The following PLA2G7 variants were observed in gnomAD, a reference collection of about 807,000 sequenced individuals.
The protein encoded by PLA2G7 is phospholipase A2 group VII.
PLA2G7 carries 63 observed loss-of-function variants against 49.6 expected under a neutral mutation model. The ratio of observed to expected loss-of-function variants is 1.27; its 90% confidence interval spans 1.04 to 1.57. The LOEUF is 1.57. PLA2G7 is among the 40% of genes most tolerant of loss of function. The pLI, the probability that PLA2G7 is intolerant of heterozygous loss-of-function variation, is 0.00. For synonymous variants in PLA2G7, 193 were observed against 169.9 expected (o/e 1.14, Z -1.06); for missense variants, 596 against 521.2 (o/e 1.14, Z -1.40).
intron 1 of PLA2G7, among the ~76,000 whole-genome samples, chr6:46,734,251 T>C (rs766406909): frequency 7.9e-5 from 12 of 151,970 alleles, no homozygotes; most frequent in Middle Eastern, 3.2e-3. Context: ...GAGTGCTTTG[T>C]TTTGTTCTTA....
chr6:46,712,035 C>T (rs149105596), intron 6 of PLA2G7, among the ~76,000 whole-genome samples: 52 of 152,178 alleles, frequency 3.4e-4, no homozygotes, highest in African/African-American at 1.2e-3. Flanking sequence ...AATGAAATGG[C>T]GTATTAAAAA....
chr6:46,717,542 G>T (rs1452778557), intron 2 of PLA2G7, among the ~76,000 whole-genome samples: 1 of 151,892 alleles, frequency 6.6e-6, no homozygotes, highest in African/African-American at 2.4e-5. Context: ...GAAACTAAAT[G>T]ATCATCTTTC....
intron 10 of PLA2G7, among the ~76,000 whole-genome samples, chr6:46,706,501 G>A (rs1582561434): frequency 6.6e-6 from 1 of 152,336 alleles, no homozygotes; most frequent in South Asian, 2.1e-4. Context: ...GGAGCAGGAA[G>A]AGGGGTGGTC....
In PLA2G7 at chr6:46,707,906, T is replaced by C. The variant is rs145577052; in HGVS notation, c.1040+85A>G. ...GTCTAAACAACCAATTCAGCAATTC[T>C]TTAATAGTTACCAAATGATATCGAT... On this transcript the variant is annotated intron_variant, in intron 10 of 11. Coordinates refer to ENST00000274793, the MANE Select transcript of PLA2G7 (RefSeq NM_005084.4). 2.2e-4 allele frequency: 186 copies of C among 838,120 alleles called. 1 individual carries two copies. Among genetic ancestry groups the C allele is most frequent in the African/African-American group, 2.2e-3 (129 of 58,936 alleles). 51.9% of individuals were successfully genotyped at this position (838,120 alleles called of 1,614,324 possible).
chr6:46,711,053 G>A (rs1765004473), intron 7 of PLA2G7, among the ~76,000 whole-genome samples: 1 of 152,098 alleles, frequency 6.6e-6, no homozygotes, highest in Non-Finnish European at 1.5e-5. Flanking sequence ...GACAAATAAT[G>A]TTTCTATTCA....
At chr6:46,725,715 C>T (rs888424452) in intron 1 of PLA2G7, among the ~76,000 whole-genome samples, 1 of 151,790 alleles carries the variant, frequency 6.6e-6, no homozygotes, top group African/African-American at 2.4e-5. Context: ...TTCAAAAATC[C>T]AAACATAACA....
rs548564883 is a variant in PLA2G7, at chr6:46,733,738, G to C, written c.-35+1442C>G. On this transcript the variant is annotated intron_variant, in intron 1 of 11. Coordinates refer to ENST00000274793, the MANE Select transcript of PLA2G7 (RefSeq NM_005084.4). ...CTCACCAGTGCCTCGTGACCAGAAG[G>C]CCATCTGCTTCTTCTTGATCAGGCC... Among the ~76,000 whole-genome samples the C allele has an allele frequency of 4.6e-5, 7 of 152,274 alleles. No individual in the cohort carries two copies. The South Asian group carries it at 8.3e-4, about 18-fold the overall frequency.
At chr6:46,716,241 T>TA (rs41361844) in intron 4 of PLA2G7, 143 bp downstream of exon 4, 382,364 of 845,044 alleles carry the variant, frequency 0.45, 90,282 homozygotes, top group East Asian at 0.52. Flanking sequence ...GCCTGGGCTT[T>TA]AAAGAAATAC....
At chr6:46,706,584 T>G (rs1764837665) in intron 10 of PLA2G7, among the ~76,000 whole-genome samples, 3 of 152,310 alleles carry the variant, frequency 2.0e-5, no homozygotes, top group African/African-American at 7.2e-5. Flanking sequence ...GCAGCAGGCC[T>G]TTAGTGTCTT....
chr6:46,721,240 G>T (rs1264303088), intron 2 of PLA2G7, among the ~76,000 whole-genome samples: 1 of 151,552 alleles, frequency 6.6e-6, no homozygotes, highest in Non-Finnish European at 1.5e-5. Flanking sequence ...TATAGACGGG[G>T]TTTCACCATG....
intron 1 of PLA2G7, among the ~76,000 whole-genome samples, chr6:46,732,678 G>A (rs1022590636): frequency 1.3e-5 from 2 of 152,058 alleles, no homozygotes; most frequent in African/African-American, 2.4e-5. Flanking sequence ...CAACTGCTAA[G>A]TTTCTTTAAA....
At chr6:46,734,795 C>T (rs1469197845) in intron 1 of PLA2G7, among the ~76,000 whole-genome samples, 1 of 151,210 alleles carries the variant, frequency 6.6e-6, no homozygotes, top group African/African-American at 2.4e-5. Flanking sequence ...TGCACTCCAG[C>T]CTGGCGACAA....
At chr6:46,717,714 T>C (rs1163360426) in intron 2 of PLA2G7, among the ~76,000 whole-genome samples, 102 of 106,744 alleles carry the variant, frequency 9.6e-4, no homozygotes, top group African/African-American at 3.1e-3. Context: ...TTTTTCTTTT[T>C]CTTTTTTTTT....
Position 46,716,390 on chromosome 6 carries a change from G to T in PLA2G7, c.370C>A (p.Leu124Ile), listed in dbSNP as rs763882543. 1 of 1,614,082 alleles carries T rather than the reference G, an allele frequency of 6.2e-7. No homozygotes were observed. Residue 124 changes from leucine (L) to isoleucine (I), a missense_variant, in exon 4 of 12, where the codon CTC becomes ATC. By Grantham distance (5) the Leu-to-Ile change is conservative. Coordinates refer to ENST00000274793, the MANE Select transcript of PLA2G7 (RefSeq NM_005084.4). ...GGATCAACAGAAATCTTACCAAAGA[G>T]TAACCTCAAAATGTTGCCCATAAGC... Reference protein sequence around the residue: ...HWLMGNILRLLFGSMTTPANW... With the variant: ...HWLMGNILRLIFGSMTTPANW...
chr6:46,720,193 C>T (rs975989496), intron 2 of PLA2G7, among the ~76,000 whole-genome samples: 4 of 152,196 alleles, frequency 2.6e-5, no homozygotes, highest in Non-Finnish European at 5.9e-5. Context: ...CGCTAAGGAG[C>T]CCCAGGGCCA....
chr6:46,723,345 T>C (rs1765462913), intron 1 of PLA2G7, among the ~76,000 whole-genome samples: 1 of 152,218 alleles, frequency 6.6e-6, no homozygotes, highest in South Asian at 2.1e-4. Context: ...CATTTAATTA[T>C]ATAGTGACTA....
At position 46,716,426 on chromosome 6, in the gene PLA2G7, C is replaced by T; in HGVS notation, c.334G>A (p.Gly112Arg). 6.2e-7 allele frequency: 1 copy of T among 1,613,992 alleles called. No homozygotes were observed. Among genetic ancestry groups the T allele is most frequent in the South Asian group, 1.1e-5 (1 of 91,068 alleles). ...EYFWGLSKFL[G>R]THWLMGNILR... Reference sequence around the variant, plus strand: ...ATGTTGCCCATAAGCCAGTGTGTTCCAAGAAATTTGCTAAGACCCCAAAAA... The same window carrying T: ...ATGTTGCCCATAAGCCAGTGTGTTCTAAGAAATTTGCTAAGACCCCAAAAA... Residue 112 changes from glycine (G) to arginine (R), a missense_variant, in exon 4 of 12, where the codon GGA becomes AGA. Transcript: ENST00000274793.
chr6:46,714,610 T>A, intron 4 of PLA2G7, 57 bp from the exon 5 acceptor site: 1 of 986,116 alleles, frequency 1.0e-6, no homozygotes, highest in Non-Finnish European at 1.6e-6. Flanking sequence ...CTAGTGAATT[T>A]AATTCATATC....
intron 1 of PLA2G7, among the ~76,000 whole-genome samples, chr6:46,731,441 T>A (rs1057460562): frequency 6.6e-6 from 1 of 152,140 alleles, no homozygotes; most frequent in Non-Finnish European, 1.5e-5. Context: ...TCCAAAATAT[T>A]TTTTTCCCAT....
Sources: gnomAD v4.1 joint callset for allele counts (sites outside exome capture counted in the v4.1 genomes callset) on GRCh38, gnomAD v4.1.1 for gene constraint, MANE v1.5 for transcripts, NCBI Gene and HGNC (gene_info 2026-07-23, HGNC 2026-07-21) for gene names.